The following ALCAM variants were observed in gnomAD, a reference collection of about 807,000 sequenced individuals.
ALCAM encodes the protein CD166 antigen.
Under a neutral mutation model 70.9 loss-of-function variants are expected in ALCAM, and 30 were observed. The ratio of observed to expected loss-of-function variants is 0.42; its 90% CI spans 0.32 to 0.57. The LOEUF (loss-of-function observed/expected upper bound fraction) is 0.57. Ranked by LOEUF, ALCAM falls within the 20% of genes least tolerant of loss-of-function variation. The pLI is 0.11. For missense variants in ALCAM, 591 were observed against 695.1 expected, an observed-to-expected ratio of 0.85 and a Z score of 1.68; for synonymous variants, 249 against 242.5, an observed-to-expected ratio of 1.03 and a Z score of -0.25.
At chr3:105,472,056 T>C (rs1316682668) in intron 1 of ALCAM, among the ~76,000 whole-genome samples, 1 of 151,528 alleles carries the variant, frequency 6.6e-6, no homozygotes, top group Non-Finnish European at 1.5e-5. Flanking sequence ...TATTTGTTTT[T>C]CTGTGCCTGG....
At chr3:105,522,910 C>T (rs1404281269) in intron 2 of ALCAM, among the ~76,000 whole-genome samples, 1 of 152,036 alleles carries the variant, frequency 6.6e-6, no homozygotes, top group East Asian at 1.9e-4. Context: ...GAGGCCGAGG[C>T]GGGCGGATCA....
chr3:105,477,768 T>A (rs1938160605), intron 1 of ALCAM, among the ~76,000 whole-genome samples: 1 of 152,150 alleles, frequency 6.6e-6, no homozygotes, highest in African/African-American at 2.4e-5. Context: ...CTGATTTTTT[T>A]AATGTTTTTT....
intron 14 of ALCAM, among the ~76,000 whole-genome samples, chr3:105,571,125 A>C (rs1049349359): frequency 6.6e-6 from 1 of 152,214 alleles, no homozygotes; most frequent in African/African-American, 2.4e-5. Flanking sequence ...TTGGTTTTCA[A>C]ACTGTGGCAG....
rs898265917 is a variant in ALCAM, at chr3:105,544,054, T to C, written c.992-1169T>C. Among the ~76,000 whole-genome samples the C allele has an allele frequency of 1.6e-4, 24 of 151,718 alleles. No individual in the cohort carries two copies. The South Asian group carries it at 2.5e-3, about 16-fold the overall frequency. ...TAAAAATGATGTTGCAGTCAACAAG[T>C]TGCAATTATGACATTTTAAACCAAG... On this transcript the variant is annotated intron_variant, in intron 8 of 15. Transcript: ENST00000306107.
chr3:105,472,390 T>C lies in ALCAM; in HGVS notation c.74-47677T>C, dbSNP rs141365727. On this transcript the variant is annotated intron_variant, in intron 1 of 15. Transcript: ENST00000306107. ...TTTAAATTCTAAAGTTTAAGTCTTTTAGGGCTTGACATGACATCACATACC... is the reference window on the plus strand; with the variant it reads ...TTTAAATTCTAAAGTTTAAGTCTTTCAGGGCTTGACATGACATCACATACC... 3.5e-4 allele frequency among the ~76,000 whole-genome samples: 53 copies of C among 151,656 alleles called. 2 individuals carry two copies. In the East Asian group the frequency reaches 8.7e-3, roughly 25 times the overall value.
intron 3 of ALCAM, chr3:105,525,264 T>A: frequency 1.0e-6 from 1 of 984,772 alleles, no homozygotes; most frequent in Non-Finnish European, 1.2e-6. Flanking sequence ...GGAATAATTA[T>A]AGTCACTATG....
intron 3 of ALCAM, among the ~76,000 whole-genome samples, chr3:105,531,057 T>C (rs1939826736): frequency 2.6e-5 from 4 of 151,952 alleles, no homozygotes; most frequent in Admixed American, 2.0e-4. Context: ...TATAAGAAAA[T>C]AGAATAATTT....
At chr3:105,552,006 A>AT (rs10716366) in intron 12 of ALCAM, 138 bp from the exon 13 acceptor site, 70,847 of 460,076 alleles carry the variant, frequency 0.15, 1,880 homozygotes, top group Admixed American at 0.24. Flanking sequence ...ATTAAGTGTG[A>AT]TTTTTTTTTT....
intron 1 of ALCAM, among the ~76,000 whole-genome samples, chr3:105,424,989 G>T (rs1438713363): frequency 6.6e-6 from 1 of 151,534 alleles, no homozygotes; most frequent in Non-Finnish European, 1.5e-5. Context: ...TTGAACTCTG[G>T]GGTGTTTTGC....
At chr3:105,381,503 A>G (rs1935520163) in intron 1 of ALCAM, among the ~76,000 whole-genome samples, 1 of 152,018 alleles carries the variant, frequency 6.6e-6, no homozygotes, top group Non-Finnish European at 1.5e-5. Context: ...TTAGTATCAT[A>G]TTCATTATGT....
intron 1 of ALCAM, among the ~76,000 whole-genome samples, chr3:105,370,967 G>A (rs1156362236): frequency 6.6e-6 from 1 of 152,058 alleles, no homozygotes; most frequent in Non-Finnish European, 1.5e-5. Context: ...TGCTCAAAAA[G>A]TTGATTTGCA....
chr3:105,552,776 G>A (rs763998062), intron 14 of ALCAM, 191 bp downstream of exon 14: 48 of 1,399,812 alleles, frequency 3.4e-5, no homozygotes, highest in Non-Finnish European at 3.1e-5. Context: ...ACATGGCTTG[G>A]GATACTGTTT....
chr3:105,523,562 G>A (rs544790773), intron 2 of ALCAM, among the ~76,000 whole-genome samples: 3 of 152,210 alleles, frequency 2.0e-5, no homozygotes, highest in Admixed American at 6.5e-5. Context: ...TTAGGTGAGA[G>A]AATTTTTGTG....
chr3:105,517,978 T>C (rs1317854301), intron 1 of ALCAM, among the ~76,000 whole-genome samples: 2 of 152,128 alleles, frequency 1.3e-5, no homozygotes, highest in Non-Finnish European at 2.9e-5. Flanking sequence ...GCCAATACAC[T>C]ATGTATTTGA....
intron 1 of ALCAM, among the ~76,000 whole-genome samples, chr3:105,431,471 C>A (rs895160097): frequency 6.6e-6 from 1 of 152,078 alleles, no homozygotes. Context: ...TAGCGATGAG[C>A]AAAGGCAAGT....
Position 105,541,642 on chromosome 3 carries a change from G to A in ALCAM, c.868G>A (p.Glu290Lys), listed in dbSNP as rs768510818. ...TTGCCTCTATCAAAAGGGACAGCCC[G>A]AAGGAATAAGAAGCTCAAATACTTA... Reference protein sequence around the residue: ...EFLFYLPGQPEGIRSSNTYTL... With the variant: ...EFLFYLPGQPKGIRSSNTYTL... The change falls in exon 8 of 16, where the codon GAA becomes AAA. Residue 290 changes from glutamate to lysine, a missense_variant. Around this residue, in one of 2 missense-constraint regions of ALCAM, gnomAD observed 427 missense variants for 450.4 expected, o/e 0.95. Transcript: ENST00000306107. 3.4e-5 allele frequency: 55 copies of A among 1,611,428 alleles called. No homozygotes were observed. The Middle Eastern group carries it at 6.6e-4, about 19-fold the overall frequency.
At chr3:105,373,760 G>C (rs1469381472) in intron 1 of ALCAM, among the ~76,000 whole-genome samples, 4 of 152,146 alleles carry the variant, frequency 2.6e-5, no homozygotes, top group Non-Finnish European at 5.9e-5. Flanking sequence ...TTAAGAGCTT[G>C]ACACCTAGAA....
chr3:105,516,850 G>T (rs767143423), intron 1 of ALCAM, among the ~76,000 whole-genome samples: 51 of 152,028 alleles, frequency 3.4e-4, no homozygotes, highest in Non-Finnish European at 6.3e-4. Flanking sequence ...GATGTCACAG[G>T]CATTCTCTAT....
At chr3:105,554,536 G>C (rs866416598) in intron 14 of ALCAM, among the ~76,000 whole-genome samples, 1 of 152,116 alleles carries the variant, frequency 6.6e-6, no homozygotes, top group South Asian at 2.1e-4. Flanking sequence ...CCAAATGTCT[G>C]TGTACCACAT....
Sources: gnomAD v4.1 joint callset for allele counts (sites outside exome capture counted in the v4.1 genomes callset) on GRCh38, gnomAD v4.1.1 for gene constraint, gnomAD v4.1.1 regional missense constraint, MANE v1.5 for transcripts, NCBI Gene and HGNC (gene_info 2026-07-23, HGNC 2026-07-21) for gene names.